Variants in DEPTOR observed in about 807,000 individuals in gnomAD.
The protein encoded by DEPTOR is DEP domain-containing mTOR-interacting protein.
A neutral mutation model predicts 41.6 loss-of-function variants in DEPTOR; 41 were observed. The ratio of observed to expected loss-of-function variants is 0.98; its 90% CI spans 0.77 to 1.28. The LOEUF (loss-of-function observed/expected upper bound fraction) is 1.28. DEPTOR is among the 50% of genes most tolerant of loss of function. The pLI is 0.00. For missense variants in DEPTOR, 514 were observed against 527.9 expected (o/e 0.97, Z 0.26); for synonymous variants, 195 against 192.3 (o/e 1.01, Z -0.12).
chr8:119,916,970 C>A (rs2129806831), intron 1 of DEPTOR, among the ~76,000 whole-genome samples: 1 of 152,284 alleles, frequency 6.6e-6, no homozygotes, highest in Non-Finnish European at 1.5e-5. Context: ...GGGGTTTCAC[C>A]ATGTTGCCAA....
At position 120,014,621 on chromosome 8, in the gene DEPTOR, G is replaced by T. The variant is rs139238473; in HGVS notation, c.1101+5488G>T. The stretch of plus-strand genomic sequence containing the variant: ...TGGCTCACTGCAACCTCCGCCTCCC[G>T]GGTTCAAGCGATTCTTCTGCTTGAG... On this transcript the variant is annotated intron_variant, in intron 8 of 8. Transcript: ENST00000286234. Among the ~76,000 whole-genome samples, 520 of 151,906 alleles carry T rather than the reference G, an allele frequency of 3.4e-3. 1 individual carries two copies. The highest frequency in any genetic ancestry group is 0.012 in the African/African-American group (479 of 41,384).
intron 1 of DEPTOR, among the ~76,000 whole-genome samples, chr8:119,906,187 C>A (rs1348662261): frequency 6.6e-6 from 1 of 151,910 alleles, no homozygotes; most frequent in South Asian, 2.1e-4. Flanking sequence ...TGCAATGGCT[C>A]ACACCTATAA....
At chr8:119,991,198 T>TA in intron 4 of DEPTOR, among the ~76,000 whole-genome samples, 1 of 151,914 alleles carries the variant, frequency 6.6e-6, no homozygotes, top group African/African-American at 2.4e-5. Context: ...TACGGGGGGT[T>TA]ATTGTACATA....
intron 1 of DEPTOR, among the ~76,000 whole-genome samples, chr8:119,918,650 G>A (rs1468765934): frequency 1.3e-5 from 2 of 152,128 alleles, no homozygotes; most frequent in Non-Finnish European, 2.9e-5. Flanking sequence ...TGGTAGAGAC[G>A]GGGTTTCACC....
intron 3 of DEPTOR, among the ~76,000 whole-genome samples, chr8:119,949,068 G>A (rs4345603): frequency 0.017 from 2,650 of 152,338 alleles, 71 homozygotes; most frequent in African/African-American, 0.061. Context: ...TTACAGGCAT[G>A]AGCCACCATG....
intron 5 of DEPTOR, 57 bp from the exon 6 acceptor site, chr8:120,002,920 C>T: frequency 6.5e-7 from 1 of 1,534,086 alleles, no homozygotes; most frequent in Non-Finnish European, 8.8e-7. Flanking sequence ...AGCCTATGTG[C>T]TCTAGTGAGC....
chr8:120,036,359 G>A (rs1342573686), intron 8 of DEPTOR, among the ~76,000 whole-genome samples: 1 of 152,100 alleles, frequency 6.6e-6, no homozygotes, highest in Admixed American at 6.5e-5. Flanking sequence ...GTTCTTTGGG[G>A]GCACCGCATA....
At chr8:119,971,630 G>A (rs1489437028) in intron 4 of DEPTOR, among the ~76,000 whole-genome samples, 2 of 152,186 alleles carry the variant, frequency 1.3e-5, no homozygotes, top group African/African-American at 2.4e-5. Flanking sequence ...ACTTAGGCAG[G>A]TAAGGAACTT....
chr8:119,892,151 A>G (rs940785836), intron 1 of DEPTOR, among the ~76,000 whole-genome samples: 4 of 152,154 alleles, frequency 2.6e-5, no homozygotes, highest in African/African-American at 9.7e-5. Context: ...GGCACGTGCC[A>G]CCACGCCCAG....
chr8:119,904,409 G>A (rs1395116503), intron 1 of DEPTOR, among the ~76,000 whole-genome samples: 2 of 147,260 alleles, frequency 1.4e-5, no homozygotes, highest in African/African-American at 5.0e-5. Context: ...ATGAGCCACT[G>A]CGCCCGGCGT....
intron 1 of DEPTOR, among the ~76,000 whole-genome samples, chr8:119,895,773 G>A (rs979244871): frequency 6.6e-6 from 1 of 152,122 alleles, no homozygotes; most frequent in Non-Finnish European, 1.5e-5. Context: ...GTGAGGTATG[G>A]TGTCCTATTC....
At chr8:120,039,809 A>G (rs1028876672) in intron 8 of DEPTOR, among the ~76,000 whole-genome samples, 1 of 152,140 alleles carries the variant, frequency 6.6e-6, no homozygotes, top group African/African-American at 2.4e-5. Flanking sequence ...TAAAAATGAA[A>G]CAGACTTTCA....
intron 4 of DEPTOR, among the ~76,000 whole-genome samples, chr8:119,972,789 A>G (rs929656921): frequency 6.6e-6 from 1 of 152,148 alleles, no homozygotes; most frequent in African/African-American, 2.4e-5. Flanking sequence ...CTCAAGTTCT[A>G]TTGCATCAGC....
intron 1 of DEPTOR, among the ~76,000 whole-genome samples, chr8:119,917,594 G>C (rs7829901): frequency 0.5 from 75,903 of 152,052 alleles, 20,627 homozygotes; most frequent in East Asian, 0.92. Context: ...ACTGCAGAAG[G>C]CTGCAGGGAC....
intron 3 of DEPTOR, among the ~76,000 whole-genome samples, chr8:119,957,746 GC>G (rs1223041769): frequency 1.3e-5 from 2 of 151,984 alleles, no homozygotes; most frequent in Non-Finnish European, 2.9e-5. Flanking sequence ...GCGCCACCAT[GC>G]CCGGCTAATT....
chr8:119,950,225 A>G (rs1050460045), intron 3 of DEPTOR, among the ~76,000 whole-genome samples: 7 of 152,142 alleles, frequency 4.6e-5, no homozygotes, highest in Non-Finnish European at 8.8e-5. Context: ...TGTTTAGATA[A>G]TAATATAAAA....
At chr8:119,941,720 C>T (rs1016759872) in intron 3 of DEPTOR, among the ~76,000 whole-genome samples, 1 of 152,090 alleles carries the variant, frequency 6.6e-6, no homozygotes, top group African/African-American at 2.4e-5. Flanking sequence ...TCGTTCTAAA[C>T]CAAGAAGATA....
intron 3 of DEPTOR, among the ~76,000 whole-genome samples, chr8:119,951,072 A>AAAC (rs1828347246): frequency 7.1e-6 from 1 of 141,452 alleles, no homozygotes; most frequent in Non-Finnish European, 1.6e-5. Context: ...CACACACACA[A>AAAC]ACACACACAC....
chr8:119,880,141 C>CAAAATAAAATAAAATAAAATAAAAT (rs534342442), intron 1 of DEPTOR, among the ~76,000 whole-genome samples: 38 of 139,226 alleles, frequency 2.7e-4, no homozygotes, highest in African/African-American at 8.9e-4. Flanking sequence ...GACTCCGTCT[C>CAAAATAAAATAAAATAAAATAAAAT]AAAATAAAAT....
Sources: gnomAD v4.1 joint callset for allele counts (sites outside exome capture counted in the v4.1 genomes callset) on GRCh38, gnomAD v4.1.1 for gene constraint, MANE v1.5 for transcripts, NCBI Gene and HGNC (gene_info 2026-07-23, HGNC 2026-07-21) for gene names.